SYNPR: variants seen among roughly 807,000 people sequenced by gnomAD.
SYNPR encodes the protein synaptoporin.
SYNPR carries 23 observed loss-of-function variants against 32.9 expected under a neutral mutation model. That is an observed-to-expected ratio of 0.70 (90% CI 0.50 to 0.99). SYNPR has a LOEUF of 0.99. Among genes scored for constraint, SYNPR ranks in the 50% least tolerant of loss-of-function variants. The pLI is 0.00. For synonymous variants in SYNPR, 146 were observed against 135.9 expected, an observed-to-expected ratio of 1.07 and a Z score of -0.52; for missense variants, 318 against 349.3, an observed-to-expected ratio of 0.91 and a Z score of 0.71.
chr3:63,245,704 AGAGAGAGT>A (rs1372665825), intron 1 of SYNPR, among the ~76,000 whole-genome samples: 405 of 102,324 alleles, frequency 4.0e-3, no homozygotes, highest in African/African-American at 0.017. Flanking sequence ...AGAGAGAGAG[AGAGAGAGT>A]GTGTGTGTGT....
At chr3:63,265,638 G>A (rs1243078561) in intron 2 of SYNPR, among the ~76,000 whole-genome samples, 1 of 152,010 alleles carries the variant, frequency 6.6e-6, no homozygotes, top group African/African-American at 2.4e-5. Context: ...TCCTTCTTTA[G>A]CTTTAAGAAA....
At chr3:63,305,654 G>A (rs1050948905) in intron 2 of SYNPR, among the ~76,000 whole-genome samples, 11 of 151,976 alleles carry the variant, frequency 7.2e-5, no homozygotes, top group African/African-American at 2.7e-4. Context: ...CATTAGGGGT[G>A]GGGCCTAGGC....
At chr3:63,363,486 C>G (rs2087689233) in intron 2 of SYNPR, among the ~76,000 whole-genome samples, 1 of 152,170 alleles carries the variant, frequency 6.6e-6, no homozygotes, top group Non-Finnish European at 1.5e-5. Context: ...AAACTCAATA[C>G]TGGTGATAAC....
chr3:63,338,089 G>C (rs1181846156), intron 2 of SYNPR, among the ~76,000 whole-genome samples: 28 of 152,184 alleles, frequency 1.8e-4, no homozygotes, highest in Non-Finnish European at 2.9e-5. Flanking sequence ...GTTAATAATA[G>C]GAGAAACCGT....
intron 3 of SYNPR, among the ~76,000 whole-genome samples, chr3:63,481,595 CA>C (rs894039391): frequency 3.9e-5 from 6 of 152,002 alleles, no homozygotes; most frequent in African/African-American, 1.4e-4. Flanking sequence ...GTAGAGCTGA[CA>C]AAAGTTGCAA....
At chr3:63,231,360 C>T (rs913617480) in intron 1 of SYNPR, among the ~76,000 whole-genome samples, 1 of 151,974 alleles carries the variant, frequency 6.6e-6, no homozygotes. Flanking sequence ...GGCTAAAAGA[C>T]TACATATTGG....
chr3:63,427,933 A>C (rs942232522), intron 2 of SYNPR, among the ~76,000 whole-genome samples: 8 of 152,248 alleles, frequency 5.3e-5, no homozygotes, highest in African/African-American at 9.6e-5. Context: ...TGATTCCTTC[A>C]GTGCCTCTCA....
intron 2 of SYNPR, among the ~76,000 whole-genome samples, chr3:63,318,136 T>A (rs1575596617): frequency 6.6e-6 from 1 of 152,198 alleles, no homozygotes; most frequent in Non-Finnish European, 1.5e-5. Context: ...GTTAATCTGA[T>A]AGGTTTTCCT....
chr3:63,294,762 C>T (rs962130304), intron 2 of SYNPR, among the ~76,000 whole-genome samples: 5 of 152,022 alleles, frequency 3.3e-5, no homozygotes, highest in East Asian at 1.9e-4. Context: ...TTGCCATTTG[C>T]GTGTCTTATT....
At chr3:63,542,247 G>A (rs998492595) in intron 3 of SYNPR, among the ~76,000 whole-genome samples, 6 of 152,046 alleles carry the variant, frequency 3.9e-5, no homozygotes, top group African/African-American at 7.2e-5. Context: ...ATCCTCAAGC[G>A]CAGTGGCTAA....
intron 2 of SYNPR, among the ~76,000 whole-genome samples, chr3:63,321,764 A>C (rs1166036090): frequency 6.8e-6 from 1 of 146,998 alleles, no homozygotes; most frequent in Non-Finnish European, 1.5e-5. Context: ...TGTGTTTACA[A>C]ACACCTCTCC....
chr3:63,271,741 T>TA (rs963015248), intron 3 of SYNPR, among the ~76,000 whole-genome samples: 1 of 151,906 alleles, frequency 6.6e-6, no homozygotes, highest in East Asian at 1.9e-4. Context: ...ATCAGGGAAA[T>TA]AAAAAAATAT....
At chr3:63,251,402 T>G (rs1309785211) in intron 1 of SYNPR, among the ~76,000 whole-genome samples, 1 of 152,128 alleles carries the variant, frequency 6.6e-6, no homozygotes, top group African/African-American at 2.4e-5. Context: ...GCCTTCAATT[T>G]AAGACTGAAT....
intron 3 of SYNPR, among the ~76,000 whole-genome samples, chr3:63,521,340 A>G (rs1701910752): frequency 6.6e-6 from 1 of 152,218 alleles, no homozygotes; most frequent in Admixed American, 6.5e-5. Flanking sequence ...ACTGTTTAAA[A>G]TCTCATCTCT....
chr3:63,307,297 T>C (rs1004075565), intron 2 of SYNPR, among the ~76,000 whole-genome samples: 7 of 151,988 alleles, frequency 4.6e-5, no homozygotes, highest in African/African-American at 1.7e-4. Flanking sequence ...GTTCTTATAT[T>C]ATGGGGTTCC....
intron 3 of SYNPR, among the ~76,000 whole-genome samples, chr3:63,514,033 CA>C (rs1701746681): frequency 1.3e-5 from 2 of 152,094 alleles, no homozygotes; most frequent in African/African-American, 4.8e-5. Context: ...TGCTTCAAGT[CA>C]AATGTTAGAA....
chr3:63,360,965 T>C (rs2087651356), intron 2 of SYNPR, among the ~76,000 whole-genome samples: 1 of 152,216 alleles, frequency 6.6e-6, no homozygotes, highest in African/African-American at 2.4e-5. Context: ...ATACATGTAT[T>C]TGGTACATTG....
chr3:63,313,062 G>A (rs997170084), intron 2 of SYNPR, among the ~76,000 whole-genome samples: 6 of 151,890 alleles, frequency 4.0e-5, no homozygotes, highest in African/African-American at 1.4e-4. Context: ...AACTTCATAA[G>A]GGCAGAAACT....
At chr3:63,238,462 C>G (rs2086215073) in intron 1 of SYNPR, among the ~76,000 whole-genome samples, 1 of 151,988 alleles carries the variant, frequency 6.6e-6, no homozygotes. Flanking sequence ...CCTCTACTCT[C>G]CGCGTCCCCC....
Sources: allele counts gnomAD v4.1 joint callset (sites outside exome capture counted in the v4.1 genomes callset), GRCh38; gene constraint gnomAD v4.1.1; transcripts MANE v1.5; gene names NCBI Gene and HGNC (gene_info 2026-07-23, HGNC 2026-07-21).